The following ROBO2 variants were observed in gnomAD, a reference collection of about 807,000 sequenced individuals.
ROBO2 encodes roundabout homolog 2.
In ROBO2, 53 loss-of-function variants were observed where a neutral mutation model predicts 160.8. The ratio of observed to expected loss-of-function variants is 0.33; its 90% CI spans 0.26 to 0.41. ROBO2 has a LOEUF of 0.41. Ranked by LOEUF, ROBO2 falls within the 10% of genes least tolerant of loss-of-function variation. The pLI, the probability that ROBO2 is intolerant of heterozygous loss-of-function variation, is 1.00. For synonymous variants in ROBO2, 664 were observed against 611.7 expected (o/e 1.09, Z -1.26); for missense variants, 1,577 against 1,722.4 (o/e 0.92, Z 1.49).
intron 6 of ROBO2, among the ~76,000 whole-genome samples, chr3:77,526,068 T>C (rs758259212): frequency 2.1e-4 from 32 of 151,352 alleles, no homozygotes; most frequent in Non-Finnish European, 4.1e-4. Flanking sequence ...CGTGGTACAT[T>C]GGGTAACTCA....
intron 2 of ROBO2, among the ~76,000 whole-genome samples, chr3:76,205,137 C>T (rs544772734): frequency 6.6e-6 from 1 of 152,196 alleles, no homozygotes; most frequent in South Asian, 2.1e-4. Flanking sequence ...AGATGATCCT[C>T]GTATTTTTTC....
intron 2 of ROBO2, among the ~76,000 whole-genome samples, chr3:76,272,919 T>TATATAAAATATATA (rs1488386304): frequency 0.09 from 1,916 of 21,372 alleles, 389 homozygotes; most frequent in Non-Finnish European, 0.17. Flanking sequence ...ATATATAAAA[T>TATATAAAATATATA]ATATATATTT....
chr3:77,059,357 G>A (rs1418283283), intron 1 of ROBO2, among the ~76,000 whole-genome samples: 1 of 152,110 alleles, frequency 6.6e-6, no homozygotes, highest in Non-Finnish European at 1.5e-5. Flanking sequence ...AATGATAAAA[G>A]AAAAAGGTAA....
At chr3:76,424,666 A>T (rs1410984806) in intron 2 of ROBO2, among the ~76,000 whole-genome samples, 1 of 152,182 alleles carries the variant, frequency 6.6e-6, no homozygotes, top group Non-Finnish European at 1.5e-5. Flanking sequence ...CTTTTACCAG[A>T]AAAGTTAAAA....
intron 19 of ROBO2, 70 bp downstream of exon 20, chr3:77,596,820 AT>A: frequency 6.4e-7 from 1 of 1,571,312 alleles, no homozygotes; most frequent in Admixed American, 1.8e-5. Context: ...ACCTTCCTGG[AT>A]TTTTTTAAAG....
chr3:76,856,931 C>T (rs1479394441), intron 2 of ROBO2, among the ~76,000 whole-genome samples: 2 of 152,084 alleles, frequency 1.3e-5, no homozygotes, highest in South Asian at 2.1e-4. Flanking sequence ...TTCTAAATAC[C>T]GCATTTGCAT....
intron 2 of ROBO2, among the ~76,000 whole-genome samples, chr3:76,904,305 T>C (rs1360102090): frequency 2.0e-5 from 3 of 152,178 alleles, no homozygotes; most frequent in Non-Finnish European, 4.4e-5. Context: ...ATACGGAAAC[T>C]ACAACAACAT....
At chr3:77,617,424 G>A in intron 21 of ROBO2, 89 bp from the exon 23 acceptor site, 1 of 1,420,216 alleles carries the variant, frequency 7.0e-7, no homozygotes, top group South Asian at 1.2e-5. Context: ...CAGATACCAT[G>A]TGGTTGCTAC....
At chr3:76,159,817 T>C (rs1387574461) in intron 2 of ROBO2, among the ~76,000 whole-genome samples, 2 of 152,196 alleles carry the variant, frequency 1.3e-5, no homozygotes, top group African/African-American at 4.8e-5. Context: ...AATAGGAATG[T>C]AGTCTTTTTT....
At chr3:77,163,724 A>G (rs1201522356) in intron 2 of ROBO2, among the ~76,000 whole-genome samples, 2 of 152,218 alleles carry the variant, frequency 1.3e-5, no homozygotes, top group Non-Finnish European at 2.9e-5. Flanking sequence ...ATATTTGGAC[A>G]TGGTCTGGGA....
intron 2 of ROBO2, among the ~76,000 whole-genome samples, chr3:77,409,551 G>A (rs2076531479): frequency 6.6e-6 from 1 of 152,120 alleles, no homozygotes; most frequent in African/African-American, 2.4e-5. Context: ...CTGGGGGGAT[G>A]AGTGCCCCGA....
At chr3:76,548,502 TC>T (rs1349749619) in intron 2 of ROBO2, among the ~76,000 whole-genome samples, 2 of 152,092 alleles carry the variant, frequency 1.3e-5, no homozygotes, top group African/African-American at 4.8e-5. Flanking sequence ...TCCCACATGT[TC>T]ACAAACAAGA....
intron 2 of ROBO2, among the ~76,000 whole-genome samples, chr3:76,600,464 A>T (rs1220747333): frequency 6.6e-6 from 1 of 152,162 alleles, no homozygotes; most frequent in Non-Finnish European, 1.5e-5. Context: ...GTTTAATTTG[A>T]CTCATAGTTC....
At chr3:77,178,433 A>T (rs1351618848) in intron 2 of ROBO2, among the ~76,000 whole-genome samples, 3 of 151,956 alleles carry the variant, frequency 2.0e-5, no homozygotes, top group African/African-American at 7.2e-5. Context: ...TTTGCTCTCA[A>T]CTCATGCTCA....
At chr3:76,246,075 T>C (rs1369285430) in intron 2 of ROBO2, among the ~76,000 whole-genome samples, 1 of 152,168 alleles carries the variant, frequency 6.6e-6, no homozygotes, top group African/African-American at 2.4e-5. Context: ...GAAGAGCCCA[T>C]TGAAAATAAC....
chr3:76,234,579 A>T (rs145147476), intron 2 of ROBO2, among the ~76,000 whole-genome samples: 2,425 of 152,184 alleles, frequency 0.016, 59 homozygotes, highest in African/African-American at 0.055. Flanking sequence ...AGCCATTCTG[A>T]CTGGTTTGAG....
chr3:76,017,889 A>C (rs1333836342), intron 2 of ROBO2, among the ~76,000 whole-genome samples: 1 of 152,096 alleles, frequency 6.6e-6, no homozygotes, highest in African/African-American at 2.4e-5. Context: ...TTTTTATAGA[A>C]ACTAAGAGGA....
intron 2 of ROBO2, among the ~76,000 whole-genome samples, chr3:77,341,622 G>A (rs2067072514): frequency 6.6e-6 from 1 of 152,134 alleles, no homozygotes; most frequent in African/African-American, 2.4e-5. Flanking sequence ...TAGTTCTCAA[G>A]GCTCTGTTTC....
chr3:76,407,078 A>G (rs781320686), intron 2 of ROBO2, among the ~76,000 whole-genome samples: 34 of 138,212 alleles, frequency 2.5e-4, no homozygotes, highest in Non-Finnish European at 4.3e-4. Context: ...TTCTTTTTTT[A>G]GACACACCAG....
Sources: allele counts gnomAD v4.1 joint callset (sites outside exome capture counted in the v4.1 genomes callset), GRCh38; gene constraint gnomAD v4.1.1; transcripts MANE v1.5; gene names NCBI Gene and HGNC (gene_info 2026-07-23, HGNC 2026-07-21).